Variants in FAM168B observed in about 807,000 individuals in gnomAD.
FAM168B encodes the protein family with sequence similarity 168 member B, also known as myelin-associated neurite-outgrowth inhibitor.
FAM168B carries 19 observed loss-of-function variants against 21.8 expected under a neutral mutation model. That is an observed-to-expected ratio of 0.87 (90% CI 0.61 to 1.28). The LOEUF is 1.28. Ranked by LOEUF, FAM168B falls within the 50% of genes most tolerant of loss-of-function variation. FAM168B has a pLI of 0.00. For missense variants in FAM168B, 233 were observed against 263.1 expected (o/e 0.89, Z 0.79); for synonymous variants, 126 against 104.8 (o/e 1.20, Z -1.24).
rs1691980008 is a variant in FAM168B, at chr2:131,055,635, G to A, written c.215C>T (p.Pro72Leu). The A allele has an allele frequency of 1.9e-6, 3 of 1,613,050 alleles. No homozygotes were observed. The highest frequency in any genetic ancestry group is 1.7e-4 in the Middle Eastern group (1 of 6,050). The change falls in exon 4 of 7, where the codon CCG becomes CTG. Residue 72 changes from proline to leucine, a missense_variant. Coordinates refer to ENST00000389915, the MANE Select transcript of FAM168B (RefSeq NM_001009993.4). The part of the protein sequence containing the change: ...SCSPTSGAVP[P>L]YSSSPNPYQT... ...GTAGGGGTTCGGGGAGGAGGAGTACGGTGGCACAGCCCCGCTGGTGGGGGA... is the reference window on the plus strand; with the variant it reads ...GTAGGGGTTCGGGGAGGAGGAGTACAGTGGCACAGCCCCGCTGGTGGGGGA...
chr2:131,078,890 G>C lies in FAM168B; in HGVS notation c.70+3687C>G, dbSNP rs1693298760. 2.6e-5 allele frequency among the ~76,000 whole-genome samples: 4 copies of C among 151,946 alleles called. No homozygotes were observed. In the South Asian group the frequency reaches 6.2e-4, roughly 24 times the overall value. On this transcript the variant is annotated intron_variant, in intron 2 of 6. Transcript: ENST00000389915. ...AGTCCCAGCTACTTGGGAGGCTGAG[G>C]CAGGAGGATCCCTTGAGTCCAAGGA...
chr2:131,089,434 T>C (rs760014456), intron 1 of FAM168B, among the ~76,000 whole-genome samples: 1 of 151,802 alleles, frequency 6.6e-6, no homozygotes, highest in Non-Finnish European at 1.5e-5. Flanking sequence ...AAACTCTATC[T>C]TTAAAATGAA....
intron 2 of FAM168B, among the ~76,000 whole-genome samples, chr2:131,075,907 T>C (rs1011136996): frequency 2.0e-5 from 3 of 152,180 alleles, no homozygotes; most frequent in African/African-American, 7.2e-5. Flanking sequence ...TGGTCTCTGG[T>C]ATGGGGATCA....
chr2:131,051,483 G>GA lies in FAM168B; in HGVS notation c.*981dup, dbSNP rs11293154. ...TCAGCTGATTCAAACATTTCTCCAG[G>GA]AAAAAAAAAAAAAAAGGAATGATTT... On this transcript the variant is annotated 3_prime_UTR_variant, in exon 7 of 7. Coordinates refer to ENST00000389915, the MANE Select transcript of FAM168B (RefSeq NM_001009993.4). The GA allele has an allele frequency of 0.065, 53,668 of 831,922 alleles. 2 individuals are homozygous for GA. The highest frequency in any genetic ancestry group is 0.071 in the Non-Finnish European group (49,822 of 696,980). The allele number at this position is 831,922 out of a possible 1,614,324, so 51.5% of individuals were successfully genotyped here.
rs981162892 is a variant in FAM168B, at chr2:131,048,996, C to G, written c.*3469G>C. The stretch of plus-strand genomic sequence containing the variant: ...ACTGTTCTCAAATGTTTAAAAAGGA[C>G]AGGTGAAGTCTGGGTCTCCTTTTTT... On this transcript the variant is annotated 3_prime_UTR_variant, in exon 7 of 7. Transcript: ENST00000389915. 1 of 985,474 alleles carries G rather than the reference C, an allele frequency of 1.0e-6. No individual in the cohort carries two copies. The highest frequency in any genetic ancestry group is 6.1e-5 in the Admixed American group (1 of 16,262). 61.0% of individuals were successfully genotyped at this position (985,474 alleles called of 1,614,324 possible).
chr2:131,083,785 GA>G (rs1372865133), intron 1 of FAM168B, among the ~76,000 whole-genome samples: 1 of 152,004 alleles, frequency 6.6e-6, no homozygotes, highest in Non-Finnish European at 1.5e-5. Context: ...GGCACAAACA[GA>G]AAAAAAGTCT....
chr2:131,080,365 GA>G (rs1322799180), intron 2 of FAM168B, among the ~76,000 whole-genome samples: 1 of 150,576 alleles, frequency 6.6e-6, no homozygotes, highest in East Asian at 2.0e-4. Context: ...AACAGAAAAA[GA>G]GGGGCTCACG....
chr2:131,051,271 A>G lies in FAM168B; in HGVS notation c.*1194T>C. The G allele has an allele frequency of 1.0e-6, 1 of 985,260 alleles. No homozygotes were observed. Among genetic ancestry groups the G allele is most frequent in the Non-Finnish European group, 1.2e-6 (1 of 829,894 alleles). The allele number at this position is 985,260 out of a possible 1,614,324, so 61.0% of individuals were successfully genotyped here. ...ACCACCATCAGGTGGGTGATCCCAGAAGCAGCTACAGGTTTCTACATTTCC... is the reference window on the plus strand; with the variant it reads ...ACCACCATCAGGTGGGTGATCCCAGGAGCAGCTACAGGTTTCTACATTTCC... On this transcript the variant is annotated 3_prime_UTR_variant, in exon 7 of 7. Transcript: ENST00000389915.
At chr2:131,073,362 G>A (rs1473037058) in intron 2 of FAM168B, among the ~76,000 whole-genome samples, 1 of 152,126 alleles carries the variant, frequency 6.6e-6, no homozygotes, top group Non-Finnish European at 1.5e-5. Context: ...CAAAGTGCGG[G>A]TATTACCGGC....
chr2:131,055,888 T>C (rs1405642466), intron 3 of FAM168B, among the ~76,000 whole-genome samples, 193 bp from the exon 4 acceptor site: 1 of 152,088 alleles, frequency 6.6e-6, no homozygotes. Flanking sequence ...CATGCACGTG[T>C]GTGTGGTGGC....
At position 131,080,974 on chromosome 2, in the gene FAM168B, A is replaced by G. The variant is rs1693405557; in HGVS notation, c.70+1603T>C. 2.0e-5 allele frequency among the ~76,000 whole-genome samples: 3 copies of G among 151,552 alleles called. No individual in the cohort carries two copies. The South Asian group carries it at 6.2e-4, about 32-fold the overall frequency. On this transcript the variant is annotated intron_variant, in intron 2 of 6. Coordinates refer to ENST00000389915, the MANE Select transcript of FAM168B (RefSeq NM_001009993.4). ...CATGAGCCACTACACCCAGCCTGTC[A>G]CTCCTTTTCTTACAGTTTCTCTACT...
intron 2 of FAM168B, among the ~76,000 whole-genome samples, chr2:131,082,339 G>A (rs989346979): frequency 1.3e-5 from 2 of 152,200 alleles, no homozygotes; most frequent in Middle Eastern, 3.4e-3. Context: ...AGTTAATACT[G>A]AGGAAGCGAA....
At chr2:131,062,807 G>A (rs937501889) in intron 3 of FAM168B, among the ~76,000 whole-genome samples, 2 of 152,194 alleles carry the variant, frequency 1.3e-5, no homozygotes, top group African/African-American at 4.8e-5. Flanking sequence ...CAAAAGGAGC[G>A]ACTGCTCCAA....
chr2:131,049,772 C>T lies in FAM168B; in HGVS notation c.*2693G>A, dbSNP rs964465360. The T allele has an allele frequency of 3.4e-5, 34 of 985,724 alleles. No homozygotes were observed. The African/African-American group carries it at 5.4e-4, about 16-fold the overall frequency. The allele number at this position is 985,724 out of a possible 1,614,324, so 61.1% of individuals were successfully genotyped here. ...TCCCAAATTAGGAATGTCAAACACACAAAAAGCAAATTTCTCAGAATGCTC... is the reference window on the plus strand; with the variant it reads ...TCCCAAATTAGGAATGTCAAACACATAAAAAGCAAATTTCTCAGAATGCTC... On this transcript the variant is annotated 3_prime_UTR_variant, in exon 7 of 7. Coordinates refer to ENST00000389915, the MANE Select transcript of FAM168B (RefSeq NM_001009993.4).
chr2:131,086,720 ATAAGAT>A (rs1293769807), intron 1 of FAM168B, among the ~76,000 whole-genome samples: 2 of 152,202 alleles, frequency 1.3e-5, no homozygotes, highest in Non-Finnish European at 2.9e-5. Context: ...CATATACATA[ATAAGAT>A]TAAAAGTATG....
chr2:131,048,972 CTG>C lies in FAM168B; in HGVS notation c.*3491_*3492del, dbSNP rs1691476572. 13 of 985,746 alleles carry C rather than the reference CTG, an allele frequency of 1.3e-5. No homozygotes were observed. Among genetic ancestry groups the C allele is most frequent in the South Asian group, 4.7e-5 (1 of 21,290 alleles). The allele number at this position is 985,746 out of a possible 1,614,324, so 61.1% of individuals were successfully genotyped here. On this transcript the variant is annotated 3_prime_UTR_variant, in exon 7 of 7. Coordinates refer to ENST00000389915, the MANE Select transcript of FAM168B (RefSeq NM_001009993.4). ...GGTGGCCCAACTGCTCAGAGTAACA[CTG>C]TTCTCAAATGTTTAAAAAGGACAGG...
intron 3 of FAM168B, among the ~76,000 whole-genome samples, chr2:131,060,625 G>A (rs1692244149): frequency 6.6e-6 from 1 of 152,158 alleles, no homozygotes; most frequent in African/African-American, 2.4e-5. Context: ...GAGACCTGCT[G>A]TTTCTAAGTG....
chr2:131,064,311 T>C (rs1324978605), intron 3 of FAM168B, among the ~76,000 whole-genome samples: 1 of 152,162 alleles, frequency 6.6e-6, no homozygotes, highest in Non-Finnish European at 1.5e-5. Flanking sequence ...GACATTTATT[T>C]AGAAAATTTA....
At chr2:131,086,054 G>C (rs894241026) in intron 1 of FAM168B, among the ~76,000 whole-genome samples, 1 of 152,150 alleles carries the variant, frequency 6.6e-6, no homozygotes, top group Non-Finnish European at 1.5e-5. Flanking sequence ...GTAGGCAGGA[G>C]AATCAATTGT....
Sources: gnomAD v4.1 joint callset for allele counts (sites outside exome capture counted in the v4.1 genomes callset) on GRCh38, gnomAD v4.1.1 for gene constraint, MANE v1.5 for transcripts, NCBI Gene and HGNC (gene_info 2026-07-23, HGNC 2026-07-21) for gene names.